The following NBAS variants were observed in gnomAD, a reference collection of about 807,000 sequenced individuals.
The protein encoded by NBAS is NBAS subunit of NRZ tethering complex, also known as NAG/BC035112 fusion.
NBAS carries 219 observed loss-of-function variants against 302.5 expected under a neutral mutation model. The observed-to-expected ratio is 0.72, with a 90% CI of 0.65 to 0.81. The LOEUF is 0.81. Ranked by LOEUF, NBAS falls within the 30% of genes least tolerant of loss-of-function variation. NBAS has a pLI of 0.00. For synonymous variants in NBAS, 1,118 were observed against 1,021.6 expected, an observed-to-expected ratio of 1.09 and a Z score of -1.80; for missense variants, 2,932 against 2,841.6, an observed-to-expected ratio of 1.03 and a Z score of -0.72.
intron 17 of NBAS, among the ~76,000 whole-genome samples, chr2:15,468,104 G>A (rs1412094238): frequency 6.6e-6 from 1 of 152,118 alleles, no homozygotes; most frequent in Non-Finnish European, 1.5e-5. Context: ...AATGTCCACA[G>A]AGTTTGCTAT....
the NBAS span, among the ~76,000 whole-genome samples, chr2:15,092,876 G>A: frequency 1.3e-5 from 2 of 152,144 alleles, no homozygotes; most frequent in South Asian, 2.1e-4. Context: ...GTGAGTCACC[G>A]CTGATCCTTC....
the NBAS span, among the ~76,000 whole-genome samples, chr2:15,139,147 C>T: frequency 1.4e-4 from 21 of 152,316 alleles, no homozygotes; most frequent in South Asian, 4.4e-3. Context: ...CAACCCCAGA[C>T]TGACAATGAC....
chr2:15,062,329 T>C, the NBAS span, among the ~76,000 whole-genome samples: 1 of 152,086 alleles, frequency 6.6e-6, no homozygotes, highest in East Asian at 1.9e-4. Flanking sequence ...AAACAGAAAA[T>C]GTAGTCGGTC....
chr2:14,804,520 T>C, the NBAS span, among the ~76,000 whole-genome samples: 4 of 152,216 alleles, frequency 2.6e-5, no homozygotes, highest in Non-Finnish European at 4.4e-5. Context: ...AACAAGATTA[T>C]ATTTCAATTA....
At chr2:14,792,622 C>G in the NBAS span, among the ~76,000 whole-genome samples, 1 of 151,718 alleles carries the variant, frequency 6.6e-6, no homozygotes, top group African/African-American at 2.4e-5. Context: ...GACAAAATCC[C>G]ACATGTTAAC....
At chr2:15,010,702 C>T in the NBAS span, among the ~76,000 whole-genome samples, 47 of 152,164 alleles carry the variant, frequency 3.1e-4, no homozygotes, top group Admixed American at 7.8e-4. Flanking sequence ...ATTTGTTATT[C>T]GTAAAAAATC....
intron 46 of NBAS, among the ~76,000 whole-genome samples, chr2:15,232,910 A>G (rs900326273): frequency 2.6e-5 from 4 of 151,766 alleles, no homozygotes; most frequent in Non-Finnish European, 5.9e-5. Flanking sequence ...AATAAGTACC[A>G]GGCAATGCTA....
the NBAS span, among the ~76,000 whole-genome samples, chr2:14,932,704 C>T: frequency 2.0e-5 from 3 of 152,310 alleles, no homozygotes; most frequent in East Asian, 3.9e-4. Flanking sequence ...GCAGGAACAC[C>T]TGGTACTTTT....
At chr2:15,309,426 C>G (rs1671180162) in intron 38 of NBAS, among the ~76,000 whole-genome samples, 179 bp from the exon 39 acceptor site, 1 of 152,164 alleles carries the variant, frequency 6.6e-6, no homozygotes. Context: ...AAATAGTAAC[C>G]TTGCCTTAAT....
the NBAS span, among the ~76,000 whole-genome samples, chr2:14,831,043 A>G: frequency 1.3e-5 from 2 of 152,204 alleles, no homozygotes; most frequent in African/African-American, 4.8e-5. Context: ...CCACCATGTG[A>G]AGACCACAGC....
chr2:14,964,127 T>C, the NBAS span, among the ~76,000 whole-genome samples: 1 of 152,212 alleles, frequency 6.6e-6, no homozygotes. Flanking sequence ...AAATTTACAA[T>C]GCCTGGCATC....
intron 44 of NBAS, among the ~76,000 whole-genome samples, chr2:15,251,185 T>C (rs538475215): frequency 6.6e-4 from 100 of 152,286 alleles, no homozygotes; most frequent in South Asian, 1.2e-3. Context: ...AAAAACATCA[T>C]TCTCAGCAAA....
At chr2:14,901,022 G>A in the NBAS span, among the ~76,000 whole-genome samples, 8 of 152,200 alleles carry the variant, frequency 5.3e-5, no homozygotes, top group African/African-American at 1.7e-4. Flanking sequence ...CAGCCTTGGG[G>A]TCTATCTTAA....
intron 21 of NBAS, among the ~76,000 whole-genome samples, chr2:15,437,671 G>T (rs1033666236): frequency 6.6e-6 from 1 of 152,146 alleles, no homozygotes; most frequent in Non-Finnish European, 1.5e-5. Flanking sequence ...TAAAGAATTT[G>T]AAGAAAACAG....
At chr2:15,015,638 T>C in the NBAS span, among the ~76,000 whole-genome samples, 1 of 152,152 alleles carries the variant, frequency 6.6e-6, no homozygotes, top group Non-Finnish European at 1.5e-5. Context: ...GGAAAGTACC[T>C]CAACACAATA....
the NBAS span, among the ~76,000 whole-genome samples, chr2:15,031,845 AGAACTGGCTG>A: frequency 6.6e-6 from 1 of 152,198 alleles, no homozygotes; most frequent in African/African-American, 2.4e-5. Context: ...CCTGTGAAAG[AGAACTGGCTG>A]GAGATTATCC....
the NBAS span, among the ~76,000 whole-genome samples, chr2:15,151,063 AT>A: frequency 6.6e-6 from 1 of 152,254 alleles, no homozygotes; most frequent in Non-Finnish European, 1.5e-5. Context: ...CAATAATTCA[AT>A]AATGGAGCCG....
chr2:14,848,434 G>C, the NBAS span, among the ~76,000 whole-genome samples: 1 of 142,298 alleles, frequency 7.0e-6, no homozygotes, highest in Non-Finnish European at 1.5e-5. Context: ...CTACGCCCAC[G>C]GAATCTCGCT....
At chr2:15,379,486 T>C (rs1674922342) in intron 30 of NBAS, 116 bp downstream of exon 30, 2 of 985,858 alleles carry the variant, frequency 2.0e-6, no homozygotes, top group Non-Finnish European at 3.1e-6. Context: ...GTGCCCCATA[T>C]AGTGTAGTCA....
Sources: gnomAD v4.1 joint callset for allele counts (sites outside exome capture counted in the v4.1 genomes callset) on GRCh38, gnomAD v4.1.1 for gene constraint, MANE v1.5 for transcripts, NCBI Gene and HGNC (gene_info 2026-07-23, HGNC 2026-07-21) for gene names.